Variants in CCDC141 observed in about 807,000 individuals in gnomAD.
CCDC141 encodes coiled-coil domain-containing protein 141.
In CCDC141, 168 loss-of-function variants were observed where a neutral mutation model predicts 181.0. The ratio of observed to expected loss-of-function variants is 0.93; its 90% CI spans 0.82 to 1.05. The LOEUF (loss-of-function observed/expected upper bound fraction) is 1.05, where lower values mean the gene tolerates loss of function less well. Among genes scored for constraint, CCDC141 ranks in the 50% least tolerant of loss-of-function variants. The pLI is 0.00. For missense variants in CCDC141, 1,902 were observed against 1,788.5 expected, an observed-to-expected ratio of 1.06 and a Z score of -1.14; for synonymous variants, 666 against 642.3, an observed-to-expected ratio of 1.04 and a Z score of -0.56.
At chr2:179,005,696 G>A (rs1575334010) in intron 2 of CCDC141, among the ~76,000 whole-genome samples, 1 of 151,974 alleles carries the variant, frequency 6.6e-6, no homozygotes, top group African/African-American at 2.4e-5. Context: ...GTGCAGTGGT[G>A]CGATCTCAGC....
chr2:178,941,396 A>G (rs1157308547), intron 6 of CCDC141, among the ~76,000 whole-genome samples: 1 of 152,164 alleles, frequency 6.6e-6, no homozygotes, highest in East Asian at 1.9e-4. Context: ...TTGCCAGTGA[A>G]TTATCTAGTG....
intron 2 of CCDC141, among the ~76,000 whole-genome samples, chr2:179,040,092 C>T (rs112350324): frequency 5.3e-5 from 8 of 152,214 alleles, no homozygotes; most frequent in Admixed American, 1.3e-4. Flanking sequence ...GAGGTTATGG[C>T]TAGAGGTCCA....
intron 8 of CCDC141, among the ~76,000 whole-genome samples, chr2:178,897,352 G>T (rs1687461992): frequency 6.6e-6 from 1 of 152,136 alleles, no homozygotes; most frequent in African/African-American, 2.4e-5. Context: ...ATCATGTCCT[G>T]TTCCAAAAAG....
At chr2:178,818,093 G>T in the CCDC141 span, among the ~76,000 whole-genome samples, 214 of 152,136 alleles carry the variant, frequency 1.4e-3, no homozygotes, top group African/African-American at 5.0e-3. Flanking sequence ...GTGAGCCACC[G>T]CACCTGGCCC....
At chr2:178,993,195 GTTAT>G (rs777080203) in intron 2 of CCDC141, among the ~76,000 whole-genome samples, 7 of 152,250 alleles carry the variant, frequency 4.6e-5, no homozygotes, top group South Asian at 2.1e-4. Flanking sequence ...CTATTTTGGG[GTTAT>G]TTGTTACCCT....
chr2:178,957,266 T>C (rs987168020), intron 5 of CCDC141, among the ~76,000 whole-genome samples: 1 of 152,260 alleles, frequency 6.6e-6, no homozygotes, highest in Non-Finnish European at 1.5e-5. Context: ...CTATGCACTG[T>C]GCTACATGTT....
In CCDC141 at chr2:178,955,458, C is replaced by T. The variant is rs550698474; in HGVS notation, c.780+5772G>A. 1.6e-4 allele frequency among the ~76,000 whole-genome samples: 24 copies of T among 152,140 alleles called. No homozygotes were observed. In the South Asian group the frequency reaches 4.6e-3, roughly 29 times the overall value. Reference sequence around the variant, plus strand: ...TTATAATATTAAGAAATCGAAGCAACTCTATTTCCTCATTAATACTGTTTA... The same window carrying T: ...TTATAATATTAAGAAATCGAAGCAATTCTATTTCCTCATTAATACTGTTTA... On this transcript the variant is annotated intron_variant, in intron 5 of 23. Transcript: ENST00000443758.
chr2:179,044,189 C>T (rs1260825685), intron 2 of CCDC141, among the ~76,000 whole-genome samples: 1 of 152,158 alleles, frequency 6.6e-6, no homozygotes, highest in Non-Finnish European at 1.5e-5. Context: ...ATTCCATGCT[C>T]GTGGATAGGA....
intron 12 of CCDC141, among the ~76,000 whole-genome samples, chr2:178,872,636 G>A (rs369531570): frequency 2.6e-5 from 4 of 152,124 alleles, no homozygotes; most frequent in Admixed American, 6.6e-5. Flanking sequence ...TAAAAAATGC[G>A]TATACCTATA....
intron 7 of CCDC141, among the ~76,000 whole-genome samples, chr2:178,912,630 A>G (rs1413230988): frequency 1.3e-5 from 2 of 152,212 alleles, no homozygotes; most frequent in African/African-American, 4.8e-5. Flanking sequence ...AAATTAAGAC[A>G]TCATCTGTTT....
intron 2 of CCDC141, among the ~76,000 whole-genome samples, chr2:179,041,181 C>T: frequency 6.6e-6 from 1 of 152,140 alleles, no homozygotes; most frequent in Non-Finnish European, 1.5e-5. Flanking sequence ...ACGCCATTTT[C>T]CTGCCTCCAC....
chr2:178,970,318 TC>T (rs1690827949), intron 4 of CCDC141, among the ~76,000 whole-genome samples: 1 of 152,028 alleles, frequency 6.6e-6, no homozygotes, highest in African/African-American at 2.4e-5. Flanking sequence ...GCCAAGACAA[TC>T]CTGGGCAAGA....
chr2:178,936,187 T>A (rs1440872253), intron 6 of CCDC141, among the ~76,000 whole-genome samples: 3 of 152,140 alleles, frequency 2.0e-5, no homozygotes, highest in African/African-American at 7.2e-5. Flanking sequence ...ATGTCTAGGA[T>A]GATATTGCCT....
chr2:178,985,812 G>A (rs1300461216), intron 2 of CCDC141, among the ~76,000 whole-genome samples: 1 of 152,168 alleles, frequency 6.6e-6, no homozygotes, highest in East Asian at 1.9e-4. Flanking sequence ...AGCTGAAATT[G>A]TGGCAATAAT....
chr2:178,885,906 C>T (rs1361969368), intron 10 of CCDC141, among the ~76,000 whole-genome samples: 1 of 152,180 alleles, frequency 6.6e-6, no homozygotes, highest in East Asian at 1.9e-4. Flanking sequence ...GGCCCTGCTT[C>T]ATGATAGCAC....
rs1288791046 is a variant in CCDC141, at chr2:178,871,502, T to G, written c.2130A>C (p.Ala710=). ...LLQEALMPVS[A]LDLGGSLQFI... ...ACTGGAGGCTCCCTCCGAGGTCAAGTGCAGACACAGGCATAAGTGCTTCCT... is the reference window on the plus strand; with the variant it reads ...ACTGGAGGCTCCCTCCGAGGTCAAGGGCAGACACAGGCATAAGTGCTTCCT... The change falls in exon 14 of 24, where the codon GCA becomes GCC. Residue 710 remains alanine (A), a synonymous_variant. Transcript: ENST00000443758. 2 of 1,614,106 alleles carry G rather than the reference T, an allele frequency of 1.2e-6. No individual in the cohort carries two copies. Among genetic ancestry groups the G allele is most frequent in the Non-Finnish European group, 8.5e-7 (1 of 1,179,928 alleles).
intron 2 of CCDC141, among the ~76,000 whole-genome samples, chr2:179,031,484 G>T (rs1005594955): frequency 9.2e-5 from 14 of 151,684 alleles, no homozygotes. Context: ...CAATTTCATT[G>T]ATTTCTGCTT....
chr2:179,029,363 T>C (rs569304250), intron 2 of CCDC141, among the ~76,000 whole-genome samples: 22 of 152,342 alleles, frequency 1.4e-4, no homozygotes, highest in African/African-American at 5.3e-4. Context: ...GACTTGGGCA[T>C]AGCCACTTCT....
chr2:178,819,736 A>C, the CCDC141 span, among the ~76,000 whole-genome samples: 2 of 152,246 alleles, frequency 1.3e-5, no homozygotes, highest in African/African-American at 4.8e-5. Flanking sequence ...ACAACCCCCC[A>C]AACACACAGA....
Sources: gnomAD v4.1 joint callset for allele counts (sites outside exome capture counted in the v4.1 genomes callset) on GRCh38, gnomAD v4.1.1 for gene constraint, MANE v1.5 for transcripts, NCBI Gene and HGNC (gene_info 2026-07-23, HGNC 2026-07-21) for gene names.